Variants in RBFOX1 observed in about 807,000 individuals in gnomAD.
The protein encoded by RBFOX1 is RNA binding protein fox-1 homolog 1.
RBFOX1 carries 8 observed loss-of-function variants against 57.7 expected under a neutral mutation model. The observed-to-expected ratio is 0.14, with a 90% confidence interval of 0.08 to 0.25. The LOEUF (loss-of-function observed/expected upper bound fraction) is 0.25, where lower values mean the gene tolerates loss of function less well. Ranked by LOEUF, RBFOX1 falls within the 10% of genes least tolerant of loss-of-function variation. The probability of loss-of-function intolerance (pLI) is 1.00; values close to 1 mark genes in which losing one functional copy is unlikely to be tolerated. For missense variants in RBFOX1, 611 were observed against 548.5 expected (o/e 1.11, Z -1.14); for synonymous variants, 326 against 222.4 (o/e 1.47, Z -4.15).
At chr16:6,688,142 C>T (rs1166913830) in intron 3 of RBFOX1, among the ~76,000 whole-genome samples, 5 of 151,826 alleles carry the variant, frequency 3.3e-5, no homozygotes, top group African/African-American at 9.7e-5. Flanking sequence ...GGAAGCACCA[C>T]GGCTTCTGGG....
At chr16:5,886,626 G>A (rs916315629) in intron 4 of RBFOX1, among the ~76,000 whole-genome samples, 11 of 152,192 alleles carry the variant, frequency 7.2e-5, no homozygotes, top group Non-Finnish European at 1.3e-4. Flanking sequence ...GGTGGCTCAC[G>A]CCTGTCATCT....
At chr16:5,526,904 T>G (rs1054475766) in intron 2 of RBFOX1, among the ~76,000 whole-genome samples, 11 of 152,182 alleles carry the variant, frequency 7.2e-5, no homozygotes, top group African/African-American at 1.2e-4. Context: ...CTTGGGCACA[T>G]TTGCTCGCCT....
chr16:6,855,817 T>TCCTCCTTCCCTC (rs956007132), intron 3 of RBFOX1, among the ~76,000 whole-genome samples: 3,238 of 112,872 alleles, frequency 0.029, 147 homozygotes, highest in East Asian at 0.24. Flanking sequence ...TTCCCTTCCT[T>TCCTCCTTCCCTC]CCTCCTTCCC....
At chr16:6,575,824 T>C (rs376334075) in intron 2 of RBFOX1, among the ~76,000 whole-genome samples, 93 of 150,872 alleles carry the variant, frequency 6.2e-4, no homozygotes, top group African/African-American at 2.2e-3. Context: ...AGCACTGCAC[T>C]CTAGTCTGGG....
At chr16:6,007,685 ATACT>A (rs2094935544) in intron 4 of RBFOX1, among the ~76,000 whole-genome samples, 1 of 152,218 alleles carries the variant, frequency 6.6e-6, no homozygotes, top group Non-Finnish European at 1.5e-5. Context: ...CACTCAATAC[ATACT>A]TGTGGGATGA....
intron 1 of RBFOX1, among the ~76,000 whole-genome samples, chr16:5,371,218 G>T (rs1360560277): frequency 2.0e-5 from 3 of 152,230 alleles, no homozygotes; most frequent in Non-Finnish European, 4.4e-5. Context: ...ACAGAACTGG[G>T]ATTACAGGCG....
chr16:6,793,994 C>T (rs1291485813), intron 3 of RBFOX1, among the ~76,000 whole-genome samples: 2 of 152,090 alleles, frequency 1.3e-5, no homozygotes, highest in Non-Finnish European at 2.9e-5. Flanking sequence ...TCAGTAACTC[C>T]ACCGGATTGC....
intron 1 of RBFOX1, among the ~76,000 whole-genome samples, chr16:6,161,060 G>A (rs527696667): frequency 6.6e-6 from 1 of 152,110 alleles, no homozygotes; most frequent in Non-Finnish European, 1.5e-5. Flanking sequence ...CCCTTGAACA[G>A]GCTTTAATAA....
intron 2 of RBFOX1, among the ~76,000 whole-genome samples, chr16:6,648,399 G>A (rs545168604): frequency 3.5e-4 from 53 of 152,140 alleles, no homozygotes; most frequent in Non-Finnish European, 6.0e-4. Context: ...CAGACTCCAC[G>A]TTGACTAGGA....
chr16:7,515,467 CCA>C (rs1012002587), intron 4 of RBFOX1, among the ~76,000 whole-genome samples: 5 of 149,704 alleles, frequency 3.3e-5, no homozygotes, highest in African/African-American at 5.0e-5. Flanking sequence ...TTAAATCTCT[CCA>C]CACACACATA....
intron 3 of RBFOX1, among the ~76,000 whole-genome samples, chr16:6,887,008 T>C (rs1223025513): frequency 6.6e-6 from 1 of 152,172 alleles, no homozygotes; most frequent in African/African-American, 2.4e-5. Context: ...TTTTTCCACT[T>C]TCTGGTTTGA....
intron 3 of RBFOX1, among the ~76,000 whole-genome samples, chr16:6,995,900 A>G (rs941213839): frequency 1.3e-5 from 2 of 152,236 alleles, no homozygotes; most frequent in Admixed American, 6.5e-5. Context: ...TTTGAACCAT[A>G]AATTTATTAG....
chr16:6,609,460 C>T (rs1043356143), intron 2 of RBFOX1, among the ~76,000 whole-genome samples: 4 of 152,128 alleles, frequency 2.6e-5, no homozygotes, highest in East Asian at 1.9e-4. Flanking sequence ...CCTCCCACCT[C>T]AGCCTCCCGA....
chr16:6,830,290 G>A (rs908580929), intron 3 of RBFOX1, among the ~76,000 whole-genome samples: 6 of 152,102 alleles, frequency 3.9e-5, no homozygotes, highest in Non-Finnish European at 8.8e-5. Flanking sequence ...TACACAACAG[G>A]GAAAGTCTAA....
intron 10 of RBFOX1, among the ~76,000 whole-genome samples, chr16:7,616,192 T>C (rs187016268): frequency 2.4e-3 from 373 of 152,308 alleles, no homozygotes; most frequent in African/African-American, 8.6e-3. Context: ...GTTAGTTTAT[T>C]ATAACAAAAG....
chr16:7,383,402 G>T (rs1276827316), intron 4 of RBFOX1, among the ~76,000 whole-genome samples: 1 of 152,084 alleles, frequency 6.6e-6, no homozygotes, highest in African/African-American at 2.4e-5. Flanking sequence ...TAGTGACATT[G>T]TTTTAAGTGT....
intron 12 of RBFOX1, 72 bp downstream of exon 12, chr16:7,654,019 C>A: frequency 1.4e-6 from 2 of 1,422,186 alleles, no homozygotes; most frequent in South Asian, 1.5e-5. Context: ...GAGCTGTTTG[C>A]GAGCGCATGA....
intron 4 of RBFOX1, among the ~76,000 whole-genome samples, chr16:7,355,454 AGT>A (rs2097198335): frequency 1.3e-5 from 2 of 152,042 alleles, no homozygotes; most frequent in South Asian, 4.2e-4. Context: ...AACGATTTGG[AGT>A]GTGAGTCCGA....
intron 3 of RBFOX1, among the ~76,000 whole-genome samples, chr16:6,684,021 C>G (rs1019381752): frequency 1.3e-5 from 2 of 152,116 alleles, no homozygotes; most frequent in Admixed American, 6.5e-5. Flanking sequence ...GTGAATGGTC[C>G]ACAGTGTGAA....
Sources: gnomAD v4.1 joint callset for allele counts (sites outside exome capture counted in the v4.1 genomes callset) on GRCh38, gnomAD v4.1.1 for gene constraint, MANE v1.5 for transcripts, NCBI Gene and HGNC (gene_info 2026-07-23, HGNC 2026-07-21) for gene names.